The following PAXIP1 variants were observed in gnomAD, a reference collection of about 807,000 sequenced individuals.
PAXIP1 encodes the protein PAX-interacting protein 1.
A neutral mutation model predicts 140.6 loss-of-function variants in PAXIP1; 19 were observed. The observed-to-expected ratio is 0.14, with a 90% CI of 0.09 to 0.20. The LOEUF is 0.20. Among genes scored for constraint, PAXIP1 ranks in the 10% least tolerant of loss-of-function variants. The pLI, the probability that PAXIP1 is intolerant of heterozygous loss-of-function variation, is 1.00. For missense variants in PAXIP1, 920 were observed against 1,208.6 expected (o/e 0.76, Z 3.54); for synonymous variants, 442 against 444.6 (o/e 0.99, Z 0.07).
rs1810997824 is a variant in PAXIP1 at position 155,002,914 on chromosome 7, G to A, written c.16C>T (p.Pro6Ser). 1 of 1,368,074 alleles carries A rather than the reference G, an allele frequency of 7.3e-7. No individual in the cohort carries two copies. Among genetic ancestry groups the A allele is most frequent in the Non-Finnish European group, 9.6e-7 (1 of 1,036,376 alleles). 84.7% of individuals were successfully genotyped at this position (1,368,074 alleles called of 1,614,324 possible). Residue 6 changes from proline (P) to serine (S), a missense_variant, in exon 1 of 21, where the codon CCC becomes TCC. Coordinates refer to ENST00000404141, the MANE Select transcript of PAXIP1 (RefSeq NM_007349.4). ...CTGAACATCTCCTCAGGAACTTTGG[G>A]CGCCTGGTCCGACATGATCGCGGCG... is the stretch of plus-strand genomic sequence containing the variant. MSDQA[P>S]KVPEEMFREV...
upstream of PAXIP1, chr7:155,003,324 G>A (rs1430634592): frequency 2.0e-5 from 3 of 152,024 alleles, no homozygotes; most frequent in Non-Finnish European, 4.4e-5. Flanking sequence ...CCGAGGACGA[G>A]GGGAAACCAG....
chr7:154,966,973 C>T (rs532360003), intron 8 of PAXIP1, among the ~76,000 whole-genome samples: 1 of 152,316 alleles, frequency 6.6e-6, no homozygotes, highest in South Asian at 2.1e-4. Flanking sequence ...ATCCTCCCCC[C>T]TAATTCTCAC....
intron 9 of PAXIP1, 88 bp from the exon 10 acceptor site, chr7:154,962,546 CT>C: frequency 8.6e-7 from 1 of 1,157,910 alleles, no homozygotes; most frequent in Non-Finnish European, 1.2e-6. Context: ...CTACAATGCC[CT>C]TTTCATTGGA....
At chr7:154,964,903 T>C (rs754120318) in intron 8 of PAXIP1, 1 of 152,260 alleles carries the variant, frequency 6.6e-6, no homozygotes, top group African/African-American at 2.4e-5. Flanking sequence ...TTTTCCCTTT[T>C]CTTAGTTTTC....
chr7:154,986,291 A>T lies in PAXIP1; in HGVS notation c.325-2959T>A. The T allele has an allele frequency of 4.8e-6, 3 of 629,484 alleles. No homozygotes were observed. The Admixed American group carries it at 1.0e-4, about 21-fold the overall frequency. 39.0% of individuals were successfully genotyped at this position (629,484 alleles called of 1,614,324 possible). A position where few individuals can be genotyped will look rare whatever the true frequency, so the allele number is the denominator to read the frequency against. On this transcript the variant is annotated intron_variant, in intron 4 of 20. Coordinates refer to ENST00000404141, the MANE Select transcript of PAXIP1 (RefSeq NM_007349.4). This position sits in a 1 kb window ranked among gnomAD's most constrained non-coding sequence, Gnocchi z 4.8. ...GAGTGTGTGTGCGCATGGGTGCTCC[A>T]GTGTGCAGAAAAGGTGCAGATCCCT...
intron 17 of PAXIP1, chr7:154,947,276 T>A (rs1436595092): frequency 1.3e-5 from 2 of 159,330 alleles, no homozygotes; most frequent in Non-Finnish European, 2.8e-5. Flanking sequence ...AAGATTTAAT[T>A]ATCTAACAAG....
At position 154,956,898 on chromosome 7, in the gene PAXIP1, G is replaced by A. The variant is rs1352209962; in HGVS notation, c.2549+326C>T. ...GCAGGTTCTTCAGCCGTGCCCAGGAGGCCTGGGGCTCCGTGGTCTATCTCT... is the reference window on the plus strand; with the variant it reads ...GCAGGTTCTTCAGCCGTGCCCAGGAAGCCTGGGGCTCCGTGGTCTATCTCT... On this transcript the variant is annotated intron_variant, in intron 14 of 20. Coordinates refer to ENST00000404141, the MANE Select transcript of PAXIP1 (RefSeq NM_007349.4). The surrounding 1 kb of genome is among the most constrained non-coding windows in gnomAD (Gnocchi z 4.2). 1 of 202,932 alleles carries A rather than the reference G, an allele frequency of 4.9e-6. No individual in the cohort carries two copies. The highest frequency in any genetic ancestry group is 1.3e-4 in the East Asian group (1 of 7,760). The allele number at this position is 202,932 out of a possible 1,614,324, so 12.6% of individuals were successfully genotyped here.
In PAXIP1 at chr7:154,983,318, G is replaced by A. The variant is rs1174716625; in HGVS notation, c.339C>T (p.Asp113=). 3.2e-6 allele frequency: 5 copies of A among 1,585,620 alleles called. No homozygotes were observed. The highest frequency in any genetic ancestry group is 4.3e-6 in the Non-Finnish European group (5 of 1,155,162). ...TACLSQVSSE[D]RSALWALVTF... The stretch of plus-strand genomic sequence containing the variant: ...TAACCAAAGCCCACAGGGCACTTCT[G>A]TCTTCAGATGACACCTGACAGAAAG... Residue 113 remains aspartate, a synonymous_variant, in exon 5 of 21, where the codon GAC becomes GAT. Coordinates refer to ENST00000404141, the MANE Select transcript of PAXIP1 (RefSeq NM_007349.4).
intron 5 of PAXIP1, among the ~76,000 whole-genome samples, chr7:154,977,986 C>A (rs1449885318): frequency 6.7e-6 from 1 of 150,322 alleles, no homozygotes; most frequent in African/African-American, 2.4e-5. Context: ...CGAACGCAGA[C>A]CAAATTAGAG....
chr7:154,950,423 A>C (rs556844636), intron 16 of PAXIP1: 1 of 152,384 alleles, frequency 6.6e-6, no homozygotes, highest in African/African-American at 2.4e-5. Context: ...GAAAGAAATA[A>C]GAAGTAACCT....
Position 154,946,274 on chromosome 7 carries a change from T to C in PAXIP1, c.3194+91A>G. The C allele has an allele frequency of 6.3e-7, 1 of 1,584,978 alleles. No homozygotes were observed. The highest frequency in any genetic ancestry group is 8.6e-7 in the Non-Finnish European group (1 of 1,164,548). ...AATAGCAAAGAAAGGAAAAATGGCT[T>C]GCAAAACAGGAAAGGTACTGCCTTA... On this transcript the variant is annotated intron_variant, in intron 20 of 20. Transcript: ENST00000404141. The surrounding 1 kb of genome is among the most constrained non-coding windows in gnomAD (Gnocchi z 4.9).
chr7:154,993,613 A>C, intron 3 of PAXIP1, 113 bp downstream of exon 3: 1 of 808,002 alleles, frequency 1.2e-6, no homozygotes, highest in South Asian at 1.6e-5. Flanking sequence ...GATGTAGACA[A>C]AACAATCTGT....
chr7:154,993,071 T>C (rs1383207587), intron 3 of PAXIP1, among the ~76,000 whole-genome samples: 1 of 152,152 alleles, frequency 6.6e-6, no homozygotes, highest in Non-Finnish European at 1.5e-5. Context: ...GAAGTAACAG[T>C]CCCATGAAGA....
intron 1 of PAXIP1, among the ~76,000 whole-genome samples, chr7:155,002,513 C>T (rs981273809): frequency 6.6e-6 from 1 of 151,884 alleles, no homozygotes. Flanking sequence ...AGACGCGACC[C>T]CGCGCCCGTC....
At chr7:154,979,411 G>T (rs1055087819) in intron 5 of PAXIP1, among the ~76,000 whole-genome samples, 8 of 152,190 alleles carry the variant, frequency 5.3e-5, no homozygotes, top group African/African-American at 1.9e-4. Context: ...TGTTATTTTT[G>T]TGTACAGTCA....
intron 1 of PAXIP1, chr7:155,000,457 A>C (rs887239902): frequency 4.6e-5 from 7 of 152,250 alleles, no homozygotes; most frequent in African/African-American, 1.7e-4. Flanking sequence ...CTCCACCTGT[A>C]AACAGTAAAG....
Position 154,946,053 on chromosome 7 carries a change from A to G in PAXIP1, c.3194+312T>C, listed in dbSNP as rs1469343094. 9.2e-6 allele frequency: 9 copies of G among 981,232 alleles called. No individual in the cohort carries two copies. Among genetic ancestry groups the G allele is most frequent in the Non-Finnish European group, 1.1e-5 (9 of 826,128 alleles). The allele number at this position is 981,232 out of a possible 1,614,324, so 60.8% of individuals were successfully genotyped here. On this transcript the variant is annotated intron_variant, in intron 20 of 20. Transcript: ENST00000404141. The surrounding 1 kb of genome is among the most constrained non-coding windows in gnomAD (Gnocchi z 4.9). ...AAGGTGAGCTGATAAAAAGAAACAT[A>G]TATTTATTTTTGCAATTATTTTCTA... is the stretch of plus-strand genomic sequence containing the variant.
chr7:154,947,731 G>A, intron 17 of PAXIP1, 172 bp downstream of exon 17: 1 of 616,672 alleles, frequency 1.6e-6, no homozygotes, highest in East Asian at 2.7e-5. Context: ...TGGTTCACAG[G>A]AGGAAGACCT....
chr7:154,997,623 C>T (rs1810696661), intron 2 of PAXIP1, among the ~76,000 whole-genome samples: 1 of 152,168 alleles, frequency 6.6e-6, no homozygotes, highest in African/African-American at 2.4e-5. Flanking sequence ...TTTTAAAACA[C>T]ACATTTTAAC....
Sources: gnomAD v4.1 joint callset for allele counts (sites outside exome capture counted in the v4.1 genomes callset) on GRCh38, gnomAD v4.1.1 for gene constraint, Gnocchi (gnomAD v3.1) non-coding constraint, MANE v1.5 for transcripts, NCBI Gene and HGNC (gene_info 2026-07-23, HGNC 2026-07-21) for gene names.